SLIT2: variants seen among roughly 807,000 people sequenced by gnomAD.
SLIT2 encodes slit guidance ligand 2.
Under a neutral mutation model 185.7 loss-of-function variants are expected in SLIT2, and 41 were observed. The ratio of observed to expected loss-of-function variants is 0.22; its 90% CI spans 0.17 to 0.29. SLIT2 has a LOEUF of 0.29. Ranked by LOEUF, SLIT2 falls within the 10% of genes least tolerant of loss-of-function variation. The pLI, the probability that SLIT2 is intolerant of heterozygous loss-of-function variation, is 1.00. For missense variants in SLIT2, 1,571 were observed against 1,909.0 expected (o/e 0.82, Z 3.30); for synonymous variants, 693 against 680.2 (o/e 1.02, Z -0.29).
intron 4 of SLIT2, among the ~76,000 whole-genome samples, chr4:20,372,005 C>A (rs1397210185): frequency 6.6e-6 from 1 of 152,056 alleles, no homozygotes; most frequent in East Asian, 1.9e-4. Flanking sequence ...AAGAGAGATT[C>A]CATTTATCCA....
At chr4:20,418,016 T>C (rs1577617706) in intron 4 of SLIT2, among the ~76,000 whole-genome samples, 1 of 152,152 alleles carries the variant, frequency 6.6e-6, no homozygotes, top group Non-Finnish European at 1.5e-5. Flanking sequence ...TCTTAAGGGG[T>C]TGTCCTGTCT....
At chr4:20,481,671 ATCCT>A (rs993487348) in intron 6 of SLIT2, among the ~76,000 whole-genome samples, 2 of 152,204 alleles carry the variant, frequency 1.3e-5, no homozygotes, top group Admixed American at 6.6e-5. Flanking sequence ...AAATCATAAA[ATCCT>A]TCCTTTTCCC....
At chr4:20,395,923 T>G (rs1243184714) in intron 4 of SLIT2, among the ~76,000 whole-genome samples, 2 of 151,966 alleles carry the variant, frequency 1.3e-5, no homozygotes, top group Non-Finnish European at 2.9e-5. Context: ...TGATTTTTAT[T>G]TACTAATGTT....
intron 36 of SLIT2, among the ~76,000 whole-genome samples, chr4:20,618,012 C>T (rs570464576): frequency 4.6e-5 from 7 of 152,246 alleles, no homozygotes; most frequent in East Asian, 1.9e-4. Flanking sequence ...TGTTCTCATC[C>T]GTATATATTA....
Position 20,253,713 on chromosome 4 carries a change from C to G in SLIT2, c.-103C>G. The G allele has an allele frequency of 2.1e-6, 3 of 1,410,346 alleles. 1 individual carries two copies. The South Asian group carries it at 3.8e-5, about 18-fold the overall frequency. The allele number at this position is 1,410,346 out of a possible 1,614,324, so 87.4% of individuals were successfully genotyped here. On this transcript the variant is annotated 5_prime_UTR_variant, in exon 1 of 37. Transcript: ENST00000504154. ...ACATTTTCCCTGGCACTCTGGGTTG[C>G]TAGCCCCGCCGGGCACTGGGCCTCA...
At chr4:20,503,862 T>G (rs906779336) in intron 9 of SLIT2, among the ~76,000 whole-genome samples, 1 of 152,132 alleles carries the variant, frequency 6.6e-6, no homozygotes, top group African/African-American at 2.4e-5. Flanking sequence ...AGACAGAAAC[T>G]GATGAGAATC....
intron 33 of SLIT2, among the ~76,000 whole-genome samples, chr4:20,600,882 A>G (rs563489652): frequency 5.3e-5 from 8 of 151,796 alleles, no homozygotes; most frequent in Non-Finnish European, 1.0e-4. Context: ...GAATTCAGAT[A>G]TGTAGATATG....
chr4:20,461,648 G>A (rs1713725257), intron 4 of SLIT2, among the ~76,000 whole-genome samples: 2 of 152,138 alleles, frequency 1.3e-5, no homozygotes, highest in African/African-American at 4.8e-5. Flanking sequence ...TCAGATTCTG[G>A]ATATATTTTG....
chr4:20,526,056 A>G (rs16869713), intron 15 of SLIT2, among the ~76,000 whole-genome samples: 4,903 of 152,216 alleles, frequency 0.032, 159 homozygotes, highest in African/African-American at 0.079. Context: ...GATTGGCCAC[A>G]TTCACCGTCT....
chr4:20,472,306 CTATATATAGA>C (rs1560453027), intron 5 of SLIT2, among the ~76,000 whole-genome samples: 3 of 17,514 alleles, frequency 1.7e-4, no homozygotes, highest in African/African-American at 1.2e-3. Context: ...ATATATAGAT[CTATATATAGA>C]TATATATATC....
intron 4 of SLIT2, among the ~76,000 whole-genome samples, chr4:20,344,566 G>A (rs575556472): frequency 1.3e-5 from 2 of 152,316 alleles, no homozygotes; most frequent in South Asian, 4.1e-4. Flanking sequence ...GGCAGGGAGA[G>A]TGGATATGTA....
At chr4:20,490,765 C>CT (rs1717714062) in intron 8 of SLIT2, 1 of 1,455,042 alleles carries the variant, frequency 6.9e-7, no homozygotes, top group Non-Finnish European at 9.3e-7. Flanking sequence ...TTACTAACCA[C>CT]TTTTTTCTCT....
chr4:20,609,940 A>G, intron 33 of SLIT2, 73 bp from the exon 34 acceptor site: 1 of 1,404,646 alleles, frequency 7.1e-7, no homozygotes, highest in Non-Finnish European at 9.6e-7. Flanking sequence ...GCACTTATCA[A>G]AGTTTGTAAT....
chr4:20,344,465 T>A (rs12505297), intron 4 of SLIT2, among the ~76,000 whole-genome samples: 1 of 152,002 alleles, frequency 6.6e-6, no homozygotes. Flanking sequence ...TCTTTCTGCC[T>A]GCATTGAAAC....
At chr4:20,448,792 C>T (rs1345902820) in intron 4 of SLIT2, among the ~76,000 whole-genome samples, 4 of 152,052 alleles carry the variant, frequency 2.6e-5, no homozygotes, top group Non-Finnish European at 5.9e-5. Flanking sequence ...CGCACACCAC[C>T]ACACCCAGCT....
chr4:20,594,230 T>C (rs1218360767), intron 30 of SLIT2, among the ~76,000 whole-genome samples: 4 of 150,232 alleles, frequency 2.7e-5, no homozygotes, highest in Admixed American at 6.7e-5. Context: ...TATATGTATG[T>C]ACATGTGTAT....
chr4:20,355,887 T>G (rs1013215882), intron 4 of SLIT2, among the ~76,000 whole-genome samples: 36 of 152,160 alleles, frequency 2.4e-4, no homozygotes, highest in African/African-American at 8.7e-4. Context: ...CTACTACTAT[T>G]ATTATTAGGT....
At chr4:20,446,410 A>G (rs1711800927) in intron 4 of SLIT2, among the ~76,000 whole-genome samples, 1 of 152,204 alleles carries the variant, frequency 6.6e-6, no homozygotes, top group Non-Finnish European at 1.5e-5. Flanking sequence ...TTTTTAAACG[A>G]CAGATGATGT....
At chr4:20,590,156 C>T (rs1051070603) in intron 30 of SLIT2, among the ~76,000 whole-genome samples, 12 of 152,086 alleles carry the variant, frequency 7.9e-5, no homozygotes, top group East Asian at 1.9e-4. Flanking sequence ...CCGCCCACCT[C>T]GGCCTCCCAA....
Sources: allele counts gnomAD v4.1 joint callset (sites outside exome capture counted in the v4.1 genomes callset), GRCh38; gene constraint gnomAD v4.1.1; transcripts MANE v1.5; gene names NCBI Gene and HGNC (gene_info 2026-07-23, HGNC 2026-07-21).